RBFOX3: variants seen among roughly 807,000 people sequenced by gnomAD.
The protein encoded by RBFOX3 is RNA binding fox-1 homolog 3, also known as RNA binding protein fox-1 homolog 3.
Under a neutral mutation model 48.7 loss-of-function variants are expected in RBFOX3, and 17 were observed. The ratio of observed to expected loss-of-function variants is 0.35; its 90% CI spans 0.24 to 0.52. The LOEUF is 0.52. Among genes scored for constraint, RBFOX3 ranks in the 20% least tolerant of loss-of-function variants. RBFOX3 has a pLI of 0.94. For missense variants in RBFOX3, 382 were observed against 497.5 expected, an observed-to-expected ratio of 0.77 and a Z score of 2.21; for synonymous variants, 212 against 209.5, an observed-to-expected ratio of 1.01 and a Z score of -0.10.
At chr17:79,389,813 G>C (rs1218015120) in intron 2 of RBFOX3, among the ~76,000 whole-genome samples, 2 of 152,242 alleles carry the variant, frequency 1.3e-5, no homozygotes, top group Non-Finnish European at 2.9e-5. Context: ...AAAGACAACA[G>C]TTTAGAATGA....
At position 79,587,260 on chromosome 17, in the gene RBFOX3, G is replaced by A. The variant is rs1013606301; in HGVS notation, c.-320+23566C>T. Among the ~76,000 whole-genome samples the A allele has an allele frequency of 1.6e-3, 247 of 152,324 alleles. 1 individual carries two copies. Among genetic ancestry groups the A allele is most frequent in the African/African-American group, 5.3e-3 (219 of 41,566 alleles). ...TCACGAGAGCCCTTTTCCACACTCG[G>A]TCACTATGGTGCTGGCATCCTTCCT... On this transcript the variant is annotated intron_variant, in intron 1 of 14. Transcript: ENST00000693108.
intron 4 of RBFOX3, among the ~76,000 whole-genome samples, chr17:79,142,215 T>A (rs2019965): frequency 6.6e-6 from 1 of 151,818 alleles, no homozygotes; most frequent in Non-Finnish European, 1.5e-5. Context: ...CTGTGTGCCT[T>A]GTCTGTAATT....
At chr17:79,306,656 G>A (rs972967997) in intron 3 of RBFOX3, among the ~76,000 whole-genome samples, 7 of 152,238 alleles carry the variant, frequency 4.6e-5, no homozygotes, top group Non-Finnish European at 8.8e-5. Flanking sequence ...GGATGTGAGA[G>A]GGTGCAGGCA....
At chr17:79,496,631 A>G (rs1567829) in intron 1 of RBFOX3, among the ~76,000 whole-genome samples, 92,073 of 151,928 alleles carry the variant, frequency 0.61, 28,842 homozygotes, top group Non-Finnish European at 0.68. Flanking sequence ...GACAGGAGGC[A>G]AACAGGGACA....
chr17:79,140,030 C>T (rs12952828), intron 4 of RBFOX3, among the ~76,000 whole-genome samples: 44,962 of 152,126 alleles, frequency 0.3, 7,198 homozygotes, highest in Non-Finnish European at 0.36. Flanking sequence ...CTCTCCTGGT[C>T]CCGCGGCCCT....
chr17:79,258,284 C>A (rs890342261), intron 3 of RBFOX3, among the ~76,000 whole-genome samples: 1 of 152,198 alleles, frequency 6.6e-6, no homozygotes, highest in Non-Finnish European at 1.5e-5. Flanking sequence ...AGACAGCAGC[C>A]TCCAGTGATA....
Position 79,390,724 on chromosome 17 carries a change from G to A in RBFOX3, c.-174-82900C>T, listed in dbSNP as rs906573419. ...ACTCCTTATCTCAGACAATCTGCCCGTCTCGGCCTCCCAACGCATGGCCCA... is the reference window on the plus strand; with the variant it reads ...ACTCCTTATCTCAGACAATCTGCCCATCTCGGCCTCCCAACGCATGGCCCA... On this transcript the variant is annotated intron_variant, in intron 2 of 14. Transcript: ENST00000693108. The surrounding 1 kb of genome is among the most constrained non-coding windows in gnomAD (Gnocchi z 4.2). 5.9e-5 allele frequency among the ~76,000 whole-genome samples: 9 copies of A among 152,204 alleles called. No individual in the cohort carries two copies. The highest frequency in any genetic ancestry group is 2.0e-4 in the Admixed American group (3 of 15,280).
At chr17:79,122,363 C>A (rs1568172336) in intron 4 of RBFOX3, among the ~76,000 whole-genome samples, 1 of 152,222 alleles carries the variant, frequency 6.6e-6, no homozygotes, top group East Asian at 1.9e-4. Context: ...CTTCTCTCCT[C>A]TTGCTTGTCT....
In RBFOX3 at chr17:79,090,799, CT is replaced by C. The variant is rs999821602; in HGVS notation, c.*83del. On this transcript the variant is annotated 3_prime_UTR_variant, in exon 15 of 15. Coordinates refer to ENST00000693108, the MANE Select transcript of RBFOX3 (RefSeq NM_001350451.2). The stretch of plus-strand genomic sequence containing the variant: ...TTTTTTGTTGCTTGGATCTTAACAT[CT>C]TTTTTTGTTTTTTTTGTTTTGTGAT... The C allele has an allele frequency of 1.7e-5, 24 of 1,424,666 alleles. No homozygotes were observed. The highest frequency in any genetic ancestry group is 1.6e-4 in the African/African-American group (11 of 68,464). 88.3% of individuals were successfully genotyped at this position (1,424,666 alleles called of 1,614,324 possible). A position where few individuals can be genotyped will look rare whatever the true frequency, so the allele number is the denominator to read the frequency against.
intron 1 of RBFOX3, among the ~76,000 whole-genome samples, chr17:79,575,091 G>T (rs2092813676): frequency 6.6e-6 from 1 of 152,228 alleles, no homozygotes; most frequent in Non-Finnish European, 1.5e-5. Context: ...AGGTTCTGAA[G>T]GCAGCCTGGG....
chr17:79,176,620 C>G (rs1013593857), intron 4 of RBFOX3, among the ~76,000 whole-genome samples: 1 of 152,202 alleles, frequency 6.6e-6, no homozygotes, highest in Non-Finnish European at 1.5e-5. Context: ...CAGCCCCCGA[C>G]AAGCCAAGTC....
the RBFOX3 span, among the ~76,000 whole-genome samples, chr17:79,624,267 C>G: frequency 6.6e-6 from 1 of 152,114 alleles, no homozygotes; most frequent in Non-Finnish European, 1.5e-5. Context: ...CCCCGAGACC[C>G]GTCAGCTCCC....
intron 2 of RBFOX3, among the ~76,000 whole-genome samples, chr17:79,326,043 G>A (rs1481786373): frequency 6.6e-6 from 1 of 152,160 alleles, no homozygotes; most frequent in Admixed American, 6.5e-5. Flanking sequence ...TTCTAATCAG[G>A]CATCCTTTCC....
chr17:79,263,425 C>T (rs556181921), intron 3 of RBFOX3, among the ~76,000 whole-genome samples: 78 of 152,340 alleles, frequency 5.1e-4, no homozygotes, highest in Admixed American at 1.4e-3. Context: ...GGAGTTTCTG[C>T]GGACACAGAG....
At chr17:79,580,069 G>A (rs1486564638) in intron 1 of RBFOX3, among the ~76,000 whole-genome samples, 1 of 151,992 alleles carries the variant, frequency 6.6e-6, no homozygotes, top group Admixed American at 6.6e-5. Flanking sequence ...CGAGGTAACT[G>A]CACCTGGTAC....
chr17:79,531,921 G>A (rs1485238620), intron 1 of RBFOX3, among the ~76,000 whole-genome samples: 1 of 152,232 alleles, frequency 6.6e-6, no homozygotes, highest in Non-Finnish European at 1.5e-5. Flanking sequence ...CACACAGCAG[G>A]CTGGACAGTG....
At chr17:79,404,354 C>G (rs1490866160) in intron 2 of RBFOX3, among the ~76,000 whole-genome samples, 1 of 152,110 alleles carries the variant, frequency 6.6e-6, no homozygotes, top group Non-Finnish European at 1.5e-5. Flanking sequence ...GCAGTCTACA[C>G]TCCGGGCATG....
At chr17:79,094,777 G>T (rs573085450) in intron 13 of RBFOX3, among the ~76,000 whole-genome samples, 6 of 150,726 alleles carry the variant, frequency 4.0e-5, no homozygotes, top group Non-Finnish European at 3.0e-5. Flanking sequence ...CTGACGGGGT[G>T]GGGGGAGGGG....
In RBFOX3 at chr17:79,369,103, GCTGT is replaced by G. The variant is rs540172822; in HGVS notation, c.-174-61283_-174-61280del. ...GACAGCCTGGGGGCATCTGCTCTGA[GCTGT>G]CTCACTGCGCCCAGTGCAGCTGGTG... is the stretch of plus-strand genomic sequence containing the variant. On this transcript the variant is annotated intron_variant, in intron 2 of 14. Coordinates refer to ENST00000693108, the MANE Select transcript of RBFOX3 (RefSeq NM_001350451.2). 1.2e-3 allele frequency among the ~76,000 whole-genome samples: 177 copies of G among 152,298 alleles called. 1 individual carries two copies. Among genetic ancestry groups the G allele is most frequent in the African/African-American group, 4.1e-3 (170 of 41,562 alleles).
Sources: gnomAD v4.1 joint callset for allele counts (sites outside exome capture counted in the v4.1 genomes callset) on GRCh38, gnomAD v4.1.1 for gene constraint, Gnocchi (gnomAD v3.1) non-coding constraint, MANE v1.5 for transcripts, NCBI Gene and HGNC (gene_info 2026-07-23, HGNC 2026-07-21) for gene names.